Variants in GRM8 observed in about 807,000 individuals in gnomAD.
GRM8 encodes the protein glutamate metabotropic receptor 8, also known as metabotropic glutamate receptor 8.
In GRM8, 47 loss-of-function variants were observed where a neutral mutation model predicts 87.2. The observed-to-expected ratio is 0.54, with a 90% CI of 0.43 to 0.69. The LOEUF is 0.69. GRM8 is among the 30% of genes least tolerant of loss of function. The pLI is 0.00. For missense variants in GRM8, 1,019 were observed against 1,139.2 expected, an observed-to-expected ratio of 0.89 and a Z score of 1.52; for synonymous variants, 396 against 404.5, an observed-to-expected ratio of 0.98 and a Z score of 0.25.
intron 3 of GRM8, among the ~76,000 whole-genome samples, chr7:127,058,570 C>T (rs1188272596): frequency 1.3e-5 from 2 of 152,088 alleles, no homozygotes; most frequent in Non-Finnish European, 1.5e-5. Context: ...TAATTTCTTG[C>T]CCTCAATGTC....
chr7:127,251,632 G>A (rs1024650462), intron 1 of GRM8, among the ~76,000 whole-genome samples: 5 of 151,492 alleles, frequency 3.3e-5, no homozygotes, highest in African/African-American at 1.2e-4. Flanking sequence ...CCTTTCCCGC[G>A]CCCCGGGGCA....
At chr7:127,026,860 T>C (rs1816833521) in intron 3 of GRM8, among the ~76,000 whole-genome samples, 4 of 152,208 alleles carry the variant, frequency 2.6e-5, no homozygotes, top group Non-Finnish European at 5.9e-5. Context: ...TTGTCAATTT[T>C]GGCTTTTGTC....
intron 6 of GRM8, among the ~76,000 whole-genome samples, chr7:126,826,370 C>T: frequency 6.6e-6 from 1 of 152,212 alleles, no homozygotes; most frequent in Middle Eastern, 3.2e-3. Flanking sequence ...TCCACATCCT[C>T]TCCAGCACCT....
At chr7:126,596,609 AC>A (rs1475809015) in intron 8 of GRM8, among the ~76,000 whole-genome samples, 1 of 152,196 alleles carries the variant, frequency 6.6e-6, no homozygotes, top group East Asian at 1.9e-4. Context: ...TATGGATATA[AC>A]AAGACAACAT....
chr7:127,109,701 G>C (rs1042630768), intron 2 of GRM8, among the ~76,000 whole-genome samples: 13 of 152,072 alleles, frequency 8.5e-5, no homozygotes. Flanking sequence ...GACCAAGCAG[G>C]GTCTCTGTTT....
chr7:126,956,523 T>G (rs1283991312), intron 3 of GRM8, among the ~76,000 whole-genome samples: 1 of 152,232 alleles, frequency 6.6e-6, no homozygotes, highest in East Asian at 1.9e-4. Context: ...TTAGGGTACA[T>G]GTGCACAACG....
intron 7 of GRM8, among the ~76,000 whole-genome samples, chr7:126,738,979 C>T (rs980529708): frequency 5.3e-5 from 8 of 151,752 alleles, no homozygotes; most frequent in African/African-American, 1.9e-4. Context: ...ATGTTTGGAG[C>T]CTTCAGCAAC....
intron 7 of GRM8, among the ~76,000 whole-genome samples, chr7:126,670,354 G>C (rs1806248111): frequency 6.6e-6 from 1 of 151,984 alleles, no homozygotes; most frequent in South Asian, 2.1e-4. Flanking sequence ...ATCTTCTTTA[G>C]GTTATATCTT....
At chr7:126,874,212 GA>G (rs1345433696) in intron 6 of GRM8, among the ~76,000 whole-genome samples, 1 of 151,958 alleles carries the variant, frequency 6.6e-6, no homozygotes, top group East Asian at 1.9e-4. Context: ...AATCATTTTG[GA>G]TTAAATGCAT....
At position 127,217,182 on chromosome 7, in the gene GRM8, A is replaced by G. The variant is rs148021442; in HGVS notation, c.510+25513T>C. 4.6e-4 allele frequency among the ~76,000 whole-genome samples: 70 copies of G among 152,342 alleles called. 1 individual carries two copies. The East Asian group carries it at 0.011, about 24-fold the overall frequency. On this transcript the variant is annotated intron_variant, in intron 2 of 10. Coordinates refer to ENST00000339582, the MANE Select transcript of GRM8 (RefSeq NM_000845.3). ...AAAATAGGAGGGTGGCTCTACTTGT[A>G]CTACCTAAGTGCATCAGAGGAAAGG...
intron 3 of GRM8, among the ~76,000 whole-genome samples, chr7:127,019,067 T>C (rs1218429189): frequency 6.6e-6 from 1 of 151,956 alleles, no homozygotes; most frequent in Non-Finnish European, 1.5e-5. Flanking sequence ...AAGGAAGTGA[T>C]CAAAGTAGGG....
At chr7:126,798,562 G>A (rs987998541) in intron 6 of GRM8, among the ~76,000 whole-genome samples, 8 of 152,152 alleles carry the variant, frequency 5.3e-5, no homozygotes, top group Non-Finnish European at 1.2e-4. Flanking sequence ...TGCATCCAGT[G>A]GGATAGTAAA....
intron 3 of GRM8, among the ~76,000 whole-genome samples, chr7:126,945,141 T>A (rs1185282414): frequency 6.6e-6 from 1 of 152,094 alleles, no homozygotes; most frequent in African/African-American, 2.4e-5. Context: ...CTGACAAAGG[T>A]ACACAGGGAG....
chr7:126,722,159 T>C (rs1390262144), intron 7 of GRM8, among the ~76,000 whole-genome samples: 1 of 152,190 alleles, frequency 6.6e-6, no homozygotes, highest in Non-Finnish European at 1.5e-5. Context: ...TATTTCCAAC[T>C]GGACCTCTCC....
At chr7:126,772,669 T>C (rs565978448) in intron 6 of GRM8, among the ~76,000 whole-genome samples, 4 of 152,236 alleles carry the variant, frequency 2.6e-5, no homozygotes, top group African/African-American at 9.6e-5. Context: ...AAAATAATTC[T>C]TTCATGATAT....
Position 127,160,528 on chromosome 7 carries a change from C to CGT in GRM8, c.511-53817_511-53816insAC, listed in dbSNP as rs60102591. Among the ~76,000 whole-genome samples the CGT allele has an allele frequency of 6.3e-3, 146 of 23,270 alleles. 1 individual carries two copies. Among genetic ancestry groups the CGT allele is most frequent in the African/African-American group, 0.023 (141 of 6,192 alleles). 15.3% of individuals were successfully genotyped at this position (23,270 alleles called of 152,430 possible). A position where few individuals can be genotyped will look rare whatever the true frequency, so the allele number is the denominator to read the frequency against. On this transcript the variant is annotated intron_variant, in intron 2 of 10. Transcript: ENST00000339582. The stretch of plus-strand genomic sequence containing the variant: ...GTAAGGGTGTAAGGAGGCTCCATCA[C>CGT]GCGCGCGCACACACACACACACACA...
intron 6 of GRM8, among the ~76,000 whole-genome samples, chr7:126,843,700 A>G (rs1438328268): frequency 6.6e-6 from 1 of 152,224 alleles, no homozygotes; most frequent in African/African-American, 2.4e-5. Context: ...TTTAGATGAG[A>G]CTTAGTATCA....
At chr7:127,117,782 T>C (rs1210365196) in intron 2 of GRM8, among the ~76,000 whole-genome samples, 2 of 152,218 alleles carry the variant, frequency 1.3e-5, no homozygotes, top group Non-Finnish European at 2.9e-5. Context: ...ATTTCCTTAC[T>C]GTGCAATCAC....
intron 2 of GRM8, among the ~76,000 whole-genome samples, chr7:127,213,763 T>C (rs1796359594): frequency 6.6e-6 from 1 of 152,252 alleles, no homozygotes. Flanking sequence ...GTTTACTTTG[T>C]TTTGATGTTT....
Sources: gnomAD v4.1 joint callset for allele counts (sites outside exome capture counted in the v4.1 genomes callset) on GRCh38, gnomAD v4.1.1 for gene constraint, MANE v1.5 for transcripts, NCBI Gene and HGNC (gene_info 2026-07-23, HGNC 2026-07-21) for gene names.